The following RAPGEF6 variants were observed in gnomAD, a reference collection of about 807,000 sequenced individuals.
RAPGEF6 encodes the protein Rap guanine nucleotide exchange factor 6.
In RAPGEF6, 56 loss-of-function variants were observed where a neutral mutation model predicts 171.4. The observed-to-expected ratio is 0.33, with a 90% CI of 0.26 to 0.41. RAPGEF6 has a LOEUF of 0.41. RAPGEF6 is among the 10% of genes least tolerant of loss of function. The pLI, the probability that RAPGEF6 is intolerant of heterozygous loss-of-function variation, is 1.00. For missense variants in RAPGEF6, 1,674 were observed against 1,921.4 expected (o/e 0.87, Z 2.41); for synonymous variants, 692 against 650.1 (o/e 1.06, Z -0.98).
At position 131,588,087 on chromosome 5, in the gene RAPGEF6, T is replaced by C. The variant is rs114997999; in HGVS notation, c.281+4296A>G. ...CTGTTCCCAGCTTGACTTTTCTCTT[T>C]GACTTAGTGATTTGGGGGTCCTGAG... On this transcript the variant is annotated intron_variant, in intron 4 of 27. Coordinates refer to ENST00000509018, the MANE Select transcript of RAPGEF6 (RefSeq NM_016340.6). Among the ~76,000 whole-genome samples, 1,118 of 152,190 alleles carry C rather than the reference T, an allele frequency of 7.3e-3. 8 individuals are homozygous for C. Among genetic ancestry groups the C allele is most frequent in the African/African-American group, 0.025 (1,035 of 41,520 alleles).
At chr5:131,456,325 T>C (rs1683935011) in intron 19 of RAPGEF6, among the ~76,000 whole-genome samples, 4 of 152,208 alleles carry the variant, frequency 2.6e-5, no homozygotes, top group Admixed American at 2.0e-4. Context: ...AGCATCACAA[T>C]GTTGCTTGTT....
rs5871425 is a variant in RAPGEF6, at chr5:131,486,726, ATT to A, written c.1840+2818_1840+2819del. On this transcript the variant is annotated intron_variant, in intron 15 of 27. Coordinates refer to ENST00000509018, the MANE Select transcript of RAPGEF6 (RefSeq NM_016340.6). Reference sequence around the variant, plus strand: ...ATCCTGTTCTTGTTTCAAGGGATAAATTTTTTTTTTTTTTTTTTTTTGAGATA... The same window carrying A: ...ATCCTGTTCTTGTTTCAAGGGATAAATTTTTTTTTTTTTTTTTTTGAGATA... Among the ~76,000 whole-genome samples the A allele has an allele frequency of 2.5e-4, 32 of 127,258 alleles. 1 individual carries two copies. The highest frequency in any genetic ancestry group is 6.2e-4 in the African/African-American group (21 of 33,884). The allele number at this position is 127,258 out of a possible 152,430, so 83.5% of individuals were successfully genotyped here.
chr5:131,527,963 C>T (rs1026795503), intron 6 of RAPGEF6, among the ~76,000 whole-genome samples: 6 of 147,842 alleles, frequency 4.1e-5, no homozygotes, highest in Non-Finnish European at 7.4e-5. Flanking sequence ...TGCAGTGAGC[C>T]GAAACTGCGC....
intron 6 of RAPGEF6, among the ~76,000 whole-genome samples, chr5:131,527,998 G>T (rs991485960): frequency 4.8e-5 from 7 of 146,338 alleles, no homozygotes; most frequent in Non-Finnish European, 7.4e-5. Context: ...CTGGGGGACA[G>T]AGTGAGACTC....
chr5:131,482,704 G>A (rs776650738), intron 15 of RAPGEF6, among the ~76,000 whole-genome samples: 12 of 152,168 alleles, frequency 7.9e-5, no homozygotes, highest in Non-Finnish European at 1.0e-4. Flanking sequence ...CTACTGTTGT[G>A]GAACTTACAG....
At chr5:131,485,922 G>A (rs1755853986) in intron 15 of RAPGEF6, among the ~76,000 whole-genome samples, 1 of 152,188 alleles carries the variant, frequency 6.6e-6, no homozygotes, top group East Asian at 1.9e-4. Flanking sequence ...TTTTAAGAGT[G>A]CCTCATAATC....
At chr5:131,521,099 C>T (rs934565821) in intron 7 of RAPGEF6, among the ~76,000 whole-genome samples, 12 of 152,054 alleles carry the variant, frequency 7.9e-5, no homozygotes, top group Middle Eastern at 3.2e-3. Context: ...ATTCCAAGAA[C>T]TAATTTTTTA....
Position 131,521,625 on chromosome 5 carries a change from T to C in RAPGEF6, c.496-104A>G. Reference sequence around the variant, plus strand: ...TTTATGTACATTACTGTGCAATCTCTTTTTTAACCCAAGTTCTCTACTTTC... The same window carrying C: ...TTTATGTACATTACTGTGCAATCTCCTTTTTAACCCAAGTTCTCTACTTTC... On this transcript the variant is annotated intron_variant, in intron 6 of 27. Coordinates refer to ENST00000509018, the MANE Select transcript of RAPGEF6 (RefSeq NM_016340.6). 6 of 1,020,738 alleles carry C rather than the reference T, an allele frequency of 5.9e-6. No homozygotes were observed. The South Asian group carries it at 1.0e-4, about 18-fold the overall frequency. The allele number at this position is 1,020,738 out of a possible 1,614,324, so 63.2% of individuals were successfully genotyped here. A position where few individuals can be genotyped will look rare whatever the true frequency, so the allele number is the denominator to read the frequency against.
chr5:131,600,807 C>G (rs1764195253), intron 3 of RAPGEF6, among the ~76,000 whole-genome samples: 1 of 151,898 alleles, frequency 6.6e-6, no homozygotes, highest in South Asian at 2.1e-4. Flanking sequence ...ATATTTGAGA[C>G]AGAAAACACC....
At chr5:131,591,619 G>A (rs2150002559) in intron 4 of RAPGEF6, among the ~76,000 whole-genome samples, 1 of 152,302 alleles carries the variant, frequency 6.6e-6, no homozygotes, top group Non-Finnish European at 1.5e-5. Flanking sequence ...GAGAACATTT[G>A]TAGTAGTTTC....
intron 4 of RAPGEF6, among the ~76,000 whole-genome samples, chr5:131,563,798 C>T (rs970672546): frequency 6.6e-6 from 1 of 152,126 alleles, no homozygotes; most frequent in Non-Finnish European, 1.5e-5. Flanking sequence ...AGCCACTGCA[C>T]CAGGCCTCAC....
intron 4 of RAPGEF6, among the ~76,000 whole-genome samples, chr5:131,572,690 T>C (rs1042941962): frequency 1.3e-5 from 2 of 152,168 alleles, no homozygotes; most frequent in African/African-American, 4.8e-5. Flanking sequence ...TCCATGTCTC[T>C]ACCTTCGTCC....
At chr5:131,433,361 T>G (rs1751824586) in intron 25 of RAPGEF6, 69 bp downstream of exon 25, 1 of 1,386,946 alleles carries the variant, frequency 7.2e-7, no homozygotes, top group Non-Finnish European at 1.0e-6. Context: ...AAGGTCAAGG[T>G]GGGGAGCACT....
chr5:131,632,973 A>T (rs1766406906), intron 1 of RAPGEF6, among the ~76,000 whole-genome samples: 1 of 152,240 alleles, frequency 6.6e-6, no homozygotes, highest in Non-Finnish European at 1.5e-5. Context: ...ACAATAAAGT[A>T]CTTAACACAG....
At chr5:131,533,214 C>CACACA (rs1554079741) in intron 6 of RAPGEF6, among the ~76,000 whole-genome samples, 6 of 120,206 alleles carry the variant, frequency 5.0e-5, no homozygotes, top group Non-Finnish European at 1.1e-4. Flanking sequence ...ACACACACAC[C>CACACA]CCATCCTCCT....
At chr5:131,634,875 A>C in intron 1 of RAPGEF6, 87 bp downstream of exon 1, 1 of 1,459,084 alleles carries the variant, frequency 6.9e-7, no homozygotes, top group East Asian at 2.3e-5. Context: ...AGACTCTGGC[A>C]AGAGGGCAGT....
At chr5:131,607,939 A>G (rs1437276742) in intron 1 of RAPGEF6, among the ~76,000 whole-genome samples, 1 of 152,216 alleles carries the variant, frequency 6.6e-6, no homozygotes, top group Non-Finnish European at 1.5e-5. Context: ...CGTTTTTCAT[A>G]AGATAGGACA....
intron 6 of RAPGEF6, among the ~76,000 whole-genome samples, chr5:131,546,892 A>G (rs1760580040): frequency 6.6e-6 from 1 of 152,228 alleles, no homozygotes; most frequent in Non-Finnish European, 1.5e-5. Flanking sequence ...AAATAGTTAT[A>G]TAACTGTGTA....
At chr5:131,577,746 T>C (rs746335796) in intron 4 of RAPGEF6, among the ~76,000 whole-genome samples, 13 of 152,200 alleles carry the variant, frequency 8.5e-5, no homozygotes, top group Admixed American at 3.3e-4. Context: ...GCTGTGTCCA[T>C]TGGACAGCCA....
Sources: gnomAD v4.1 joint callset for allele counts (sites outside exome capture counted in the v4.1 genomes callset) on GRCh38, gnomAD v4.1.1 for gene constraint, MANE v1.5 for transcripts, NCBI Gene and HGNC (gene_info 2026-07-23, HGNC 2026-07-21) for gene names.